Variants in MAN1B1 observed in about 807,000 individuals in gnomAD.
MAN1B1 encodes the protein endoplasmic reticulum mannosyl-oligosaccharide 1,2-alpha-mannosidase.
In MAN1B1, 66 loss-of-function variants were observed where a neutral mutation model predicts 75.5. That is an observed-to-expected ratio of 0.87 (90% CI 0.72 to 1.07). The LOEUF is 1.07. Among genes scored for constraint, MAN1B1 ranks in the 50% least tolerant of loss-of-function variants. The probability of loss-of-function intolerance (pLI) is 0.00; values close to 1 mark genes in which losing one functional copy is unlikely to be tolerated. For synonymous variants in MAN1B1, 453 were observed against 382.8 expected (o/e 1.18, Z -2.14); for missense variants, 973 against 912.5 (o/e 1.07, Z -0.85).
Position 137,096,343 on chromosome 9 carries a change from C to A in MAN1B1, c.572C>A (p.Ala191Asp). 6 of 1,614,040 alleles carry A rather than the reference C, an allele frequency of 3.7e-6. No individual in the cohort carries two copies. Among genetic ancestry groups the A allele is most frequent in the Non-Finnish European group, 5.1e-6 (6 of 1,180,024 alleles). Residue 191 changes from alanine (A) to aspartate (D), a missense_variant, in exon 4 of 13, where the codon GCC becomes GAC. Physicochemically the swap from Ala to Asp is moderately radical, Grantham distance 126 (BLOSUM62 -2). Coordinates refer to ENST00000371589, the MANE Select transcript of MAN1B1 (RefSeq NM_016219.5). ...GAGGAGGCCACAAAAAGGCAAGAAG[C>A]CCCTGTGGATCCCCGCCCGGAAGGA... ...TQEEATKRQE[A>D]PVDPRPEGDP...
intron 1 of MAN1B1, among the ~76,000 whole-genome samples, 186 bp from the exon 2 acceptor site, chr9:137,087,889 G>A (rs1215806472): frequency 1.3e-5 from 2 of 151,814 alleles, no homozygotes; most frequent in African/African-American, 4.8e-5. Context: ...GGCTCATCCC[G>A]CGTTCCACCC....
chr9:137,103,291 G>A (rs1167066915), intron 8 of MAN1B1: 1 of 433,766 alleles, frequency 2.3e-6, no homozygotes, highest in African/African-American at 2.3e-5. Flanking sequence ...GTGCAGGTCG[G>A]TGGTACATTC....
At chr9:137,103,905 A>G (rs879168403) in intron 8 of MAN1B1, 6 of 429,834 alleles carry the variant, frequency 1.4e-5, no homozygotes, top group African/African-American at 2.4e-5. Flanking sequence ...TGTTGCAGGC[A>G]TGCAGGTCGG....
chr9:137,097,577 G>A (rs1057461559), intron 4 of MAN1B1, among the ~76,000 whole-genome samples: 2 of 152,106 alleles, frequency 1.3e-5, no homozygotes, highest in Non-Finnish European at 2.9e-5. Context: ...GATTTCTCAC[G>A]ATTCTCCAAG....
chr9:137,098,933 A>G (rs1830731177), intron 5 of MAN1B1, among the ~76,000 whole-genome samples: 1 of 152,168 alleles, frequency 6.6e-6, no homozygotes, highest in African/African-American at 2.4e-5. Context: ...GGGTTCAAGC[A>G]AGTCTCCTGC....
Position 137,088,062 on chromosome 9 carries a change from G to T in MAN1B1, c.220-13G>T. ...TATTCAGTAAGAAATGTCATTCTCT[G>T]TACCTCCCTTAGAAATGGAAGCAAC... On this transcript the variant is annotated splice_polypyrimidine_tract_variant and intron_variant, in intron 1 of 12. Coordinates refer to ENST00000371589, the MANE Select transcript of MAN1B1 (RefSeq NM_016219.5). 1 of 1,596,812 alleles carries T rather than the reference G, an allele frequency of 6.3e-7. No individual in the cohort carries two copies. The highest frequency in any genetic ancestry group is 8.6e-7 in the Non-Finnish European group (1 of 1,164,162).
chr9:137,106,631 GC>G, intron 9 of MAN1B1, 57 bp from the exon 10 acceptor site: 1 of 1,611,072 alleles, frequency 6.2e-7, no homozygotes. Flanking sequence ...TGTCCCTGGT[GC>G]CCCACGGGAG....
In MAN1B1 at chr9:137,099,929, G is replaced by A. The variant is rs373120083; in HGVS notation, c.916+48G>A. ...GGGCTGAGCCCTCCGTGTGGGCCTCGTGTGCTGAGGCAGAGTGTGGGTTGC... is the reference window on the plus strand; with the variant it reads ...GGGCTGAGCCCTCCGTGTGGGCCTCATGTGCTGAGGCAGAGTGTGGGTTGC... On this transcript the variant is annotated intron_variant, in intron 6 of 12. Transcript: ENST00000371589. 14 of 1,599,136 alleles carry A rather than the reference G, an allele frequency of 8.8e-6. No individual in the cohort carries two copies. The East Asian group carries it at 1.1e-4, about 13-fold the overall frequency.
At chr9:137,105,580 C>T (rs1376555431) in intron 8 of MAN1B1, 7 of 307,438 alleles carry the variant, frequency 2.3e-5, no homozygotes, top group Non-Finnish European at 3.1e-5. Context: ...CCTAACATCC[C>T]GGTACCCTGT....
chr9:137,103,826 C>A, intron 8 of MAN1B1: 2 of 445,088 alleles, frequency 4.5e-6, no homozygotes, highest in South Asian at 3.1e-5. Context: ...TGCAGGCTTG[C>A]AGGTCGGTGG....
At chr9:137,093,532 T>C (rs1352177064) in intron 3 of MAN1B1, among the ~76,000 whole-genome samples, 1 of 152,188 alleles carries the variant, frequency 6.6e-6, no homozygotes, top group Non-Finnish European at 1.5e-5. Context: ...AGTAGACATT[T>C]TATTCTTCTG....
chr9:137,103,118 G>A (rs1024572985), intron 8 of MAN1B1: 2 of 337,084 alleles, frequency 5.9e-6, no homozygotes, highest in African/African-American at 3.4e-5. Context: ...CACACATGCT[G>A]TTGCAGGCGT....
chr9:137,106,522 AG>A, intron 9 of MAN1B1, 166 bp from the exon 10 acceptor site: 5 of 1,161,888 alleles, frequency 4.3e-6, no homozygotes, highest in South Asian at 1.3e-5. Flanking sequence ...TGGGGGGGTG[AG>A]GGGGGCATCT....
chr9:137,104,441 G>T (rs1831022073), intron 8 of MAN1B1: 2 of 280,348 alleles, frequency 7.1e-6, no homozygotes, highest in Non-Finnish European at 1.4e-5. Flanking sequence ...CACCAAGTTG[G>T]CCAGACTGGT....
At chr9:137,096,727 G>C (rs1830662527) in intron 4 of MAN1B1, among the ~76,000 whole-genome samples, 1 of 152,222 alleles carries the variant, frequency 6.6e-6, no homozygotes, top group African/African-American at 2.4e-5. Flanking sequence ...AGCCCCATCT[G>C]GTCGAGCAGA....
In MAN1B1 at chr9:137,093,098, A is replaced by T. The variant is rs1460246022; in HGVS notation, c.466-3139A>T. On this transcript the variant is annotated intron_variant, in intron 3 of 12. Transcript: ENST00000371589. The stretch of plus-strand genomic sequence containing the variant: ...TCAATTAGAAAATGTTATTGAAAAG[A>T]GATCTCAGGAGGTTGCAGTGGCTCA... Among the ~76,000 whole-genome samples the T allele has an allele frequency of 2.6e-5, 4 of 152,346 alleles. No individual in the cohort carries two copies. In the East Asian group the frequency reaches 7.7e-4, roughly 29 times the overall value.
chr9:137,103,322 G>T (rs1202685961), intron 8 of MAN1B1: 4 of 444,290 alleles, frequency 9.0e-6, no homozygotes, highest in Middle Eastern at 3.3e-4. Flanking sequence ...AGGCGTGCAG[G>T]TCGGTGGTGT....
chr9:137,100,876 T>G, intron 6 of MAN1B1, 129 bp from the exon 7 acceptor site: 1 of 1,041,966 alleles, frequency 9.6e-7, no homozygotes, highest in East Asian at 2.5e-5. Flanking sequence ...TGCCTCAGCC[T>G]CCCAAAGTGC....
chr9:137,092,796 C>G (rs1458354458), intron 3 of MAN1B1, among the ~76,000 whole-genome samples: 1 of 152,206 alleles, frequency 6.6e-6, no homozygotes, highest in Admixed American at 6.5e-5. Flanking sequence ...AAACTGGCGC[C>G]TGCTTTTCGT....
Sources: allele counts gnomAD v4.1 joint callset (sites outside exome capture counted in the v4.1 genomes callset), GRCh38; gene constraint gnomAD v4.1.1; transcripts MANE v1.5; gene names NCBI Gene and HGNC (gene_info 2026-07-23, HGNC 2026-07-21).